The following SARM1 variants were observed in gnomAD, a reference collection of about 807,000 sequenced individuals.
SARM1 encodes sterile alpha and TIR motif containing 1, also known as NAD(+) hydrolase SARM1.
Under a neutral mutation model 65.1 loss-of-function variants are expected in SARM1, and 60 were observed. That is an observed-to-expected ratio of 0.92 (90% CI 0.75 to 1.14). SARM1 has a LOEUF of 1.14. Among genes scored for constraint, SARM1 ranks in the 50% most tolerant of loss-of-function variants. The probability of loss-of-function intolerance (pLI) is 0.00; values close to 1 mark genes in which losing one functional copy is unlikely to be tolerated. For missense variants in SARM1, 913 were observed against 1,015.7 expected, an observed-to-expected ratio of 0.90 and a Z score of 1.37; for synonymous variants, 417 against 465.4, an observed-to-expected ratio of 0.90 and a Z score of 1.34.
chr17:28,376,969 T>A (rs1425183314), intron 1 of SARM1, among the ~76,000 whole-genome samples: 2 of 152,030 alleles, frequency 1.3e-5, no homozygotes, highest in East Asian at 1.9e-4. Flanking sequence ...TTTGCATTTT[T>A]AATAGAGATG....
Position 28,385,672 on chromosome 17 carries a change from A to G in SARM1, c.1630+397A>G, listed in dbSNP as rs1367447841. ...GCAACAGGAAGGGCAGCCCAGGCAG[A>G]GGCAGCGGCCTATGGAGAGTCCATG... On this transcript the variant is annotated intron_variant, in intron 5 of 8. Coordinates refer to ENST00000585482, the MANE Select transcript of SARM1 (RefSeq NM_015077.4). The surrounding 1 kb of genome is among the most constrained non-coding windows in gnomAD (Gnocchi z 4.5). Among the ~76,000 whole-genome samples, 3 of 152,042 alleles carry G rather than the reference A, an allele frequency of 2.0e-5. No individual in the cohort carries two copies. Among genetic ancestry groups the G allele is most frequent in the Non-Finnish European group, 4.4e-5 (3 of 68,000 alleles).
chr17:28,376,728 C>T (rs531873786), intron 1 of SARM1, among the ~76,000 whole-genome samples: 1 of 152,166 alleles, frequency 6.6e-6, no homozygotes, highest in South Asian at 2.1e-4. Context: ...CCTTGGCCTC[C>T]CAAAGTACTG....
chr17:28,400,975 A>C lies in SARM1; in HGVS notation c.*4689A>C. On this transcript the variant is annotated 3_prime_UTR_variant, in exon 9 of 9. Transcript: ENST00000585482. ...CTGGCACAGAGGGGCTACTAAACAA[A>C]TGGCTGCTATTAAATCCACATTAAA... is the stretch of plus-strand genomic sequence containing the variant. 6 of 577,120 alleles carry C rather than the reference A, an allele frequency of 1.0e-5. No individual in the cohort carries two copies. The highest frequency in any genetic ancestry group is 3.0e-5 in the East Asian group (1 of 33,078). 35.7% of individuals were successfully genotyped at this position (577,120 alleles called of 1,614,324 possible). A position where few individuals can be genotyped will look rare whatever the true frequency, so the allele number is the denominator to read the frequency against.
In SARM1 at chr17:28,385,687, G is replaced by A. The variant is rs1424976499; in HGVS notation, c.1630+412G>A. Among the ~76,000 whole-genome samples, 2 of 152,136 alleles carry A rather than the reference G, an allele frequency of 1.3e-5. No individual in the cohort carries two copies. Among genetic ancestry groups the A allele is most frequent in the African/African-American group, 4.8e-5 (2 of 41,428 alleles). On this transcript the variant is annotated intron_variant, in intron 5 of 8. Transcript: ENST00000585482. The surrounding 1 kb of genome is among the most constrained non-coding windows in gnomAD (Gnocchi z 4.5). ...GCCCAGGCAGAGGCAGCGGCCTATG[G>A]AGAGTCCATGCAGTGGGGTGTAGGC...
chr17:28,375,753 T>G (rs543624684), intron 1 of SARM1, among the ~76,000 whole-genome samples: 1 of 152,238 alleles, frequency 6.6e-6, no homozygotes, highest in Non-Finnish European at 1.5e-5. Flanking sequence ...GAAGGATTAC[T>G]TGAGCCCAGG....
rs1339642262 is a variant in SARM1 at position 28,384,703 on chromosome 17, C to A, written c.1302+134C>A. ...GGGCGGGGAGCCTGTACGCAGCCACCGTTAGGGTCACTCGGCTCTGATCTA... is the reference window on the plus strand; with the variant it reads ...GGGCGGGGAGCCTGTACGCAGCCACAGTTAGGGTCACTCGGCTCTGATCTA... On this transcript the variant is annotated intron_variant, in intron 3 of 8. Coordinates refer to ENST00000585482, the MANE Select transcript of SARM1 (RefSeq NM_015077.4). This position sits in a 1 kb window ranked among gnomAD's most constrained non-coding sequence, Gnocchi z 4.4. 8.3e-7 allele frequency: 1 copy of A among 1,205,120 alleles called. No individual in the cohort carries two copies. The highest frequency in any genetic ancestry group is 1.2e-6 in the Non-Finnish European group (1 of 849,632). 74.7% of individuals were successfully genotyped at this position (1,205,120 alleles called of 1,614,324 possible).
At position 28,401,503 on chromosome 17, in the gene SARM1, G is replaced by A. The variant is rs1303313202; in HGVS notation, c.*5217G>A. 1 of 152,396 alleles carries A rather than the reference G, an allele frequency of 6.6e-6. No individual in the cohort carries two copies. The highest frequency in any genetic ancestry group is 1.5e-5 in the Non-Finnish European group (1 of 68,194). 9.4% of individuals were successfully genotyped at this position (152,396 alleles called of 1,614,324 possible). A position where few individuals can be genotyped will look rare whatever the true frequency, so the allele number is the denominator to read the frequency against. On this transcript the variant is annotated 3_prime_UTR_variant, in exon 9 of 9. Transcript: ENST00000585482. ...CCTCATTCCAGGACAGATGGAAAAAGATGAATGTTTCCAGACTGGGGCATA... is the reference window on the plus strand; with the variant it reads ...CCTCATTCCAGGACAGATGGAAAAAAATGAATGTTTCCAGACTGGGGCATA...
chr17:28,388,613 T>C, intron 7 of SARM1, 74 bp downstream of exon 7: 1 of 1,468,552 alleles, frequency 6.8e-7, no homozygotes, highest in Non-Finnish European at 9.3e-7. Flanking sequence ...CTTCTATTCC[T>C]TCTTGTCTGC....
At position 28,384,593 on chromosome 17, in the gene SARM1, C is replaced by G. The variant is rs1433365113; in HGVS notation, c.1302+24C>G. On this transcript the variant is annotated intron_variant, in intron 3 of 8. Coordinates refer to ENST00000585482, the MANE Select transcript of SARM1 (RefSeq NM_015077.4). The surrounding 1 kb of genome is among the most constrained non-coding windows in gnomAD (Gnocchi z 4.4). Reference sequence around the variant, plus strand: ...GGGTAGAGTCGCGTGGGATACGCCTCCCCCGAGTCAGAGCGGGCGCCCTGT... The same window carrying G: ...GGGTAGAGTCGCGTGGGATACGCCTGCCCCGAGTCAGAGCGGGCGCCCTGT... 5 of 1,558,930 alleles carry G rather than the reference C, an allele frequency of 3.2e-6. No homozygotes were observed. In the South Asian group the frequency reaches 5.9e-5, roughly 18 times the overall value.
Position 28,388,293 on chromosome 17 carries a change from G to A in SARM1, c.1733+17G>A, listed in dbSNP as rs144683600. The A allele has an allele frequency of 5.1e-5, 80 of 1,572,430 alleles. No individual in the cohort carries two copies. The Middle Eastern group carries it at 1.3e-3, about 26-fold the overall frequency. ...GCTGGCCAGGTGAGGAGGGGCGGGC[G>A]GGCAGCGACGGGGCGTGGGGACAAG... On this transcript the variant is annotated intron_variant, in intron 6 of 8. Coordinates refer to ENST00000585482, the MANE Select transcript of SARM1 (RefSeq NM_015077.4).
chr17:28,396,017 A>T lies in SARM1; in HGVS notation c.2036A>T (p.Asn679Ile). The T allele has an allele frequency of 6.2e-7, 1 of 1,613,726 alleles. No homozygotes were observed. The highest frequency in any genetic ancestry group is 8.5e-7 in the Non-Finnish European group (1 of 1,179,796). Reference sequence around the variant, plus strand: ...GACATGCAGGCTGTGCTTACTTTCAACGGTATCAAGTGAGCCCCAGGGCCC... The same window carrying T: ...GACATGCAGGCTGTGCTTACTTTCATCGGTATCAAGTGAGCCCCAGGGCCC... ...PEDMQAVLTF[N>I]GIKWSHEYQE... Residue 679 changes from asparagine (N) to isoleucine (I), a missense_variant, in exon 8 of 9, where the codon AAC becomes ATC. Physicochemically the swap from Asn to Ile is moderately radical, Grantham distance 149. This residue lies in a region of SARM1 where 862 missense variants were observed against 952.1 expected (regional missense o/e 0.91). Transcript: ENST00000585482.
chr17:28,394,570 G>T (rs1161797143), intron 7 of SARM1, among the ~76,000 whole-genome samples: 1 of 152,134 alleles, frequency 6.6e-6, no homozygotes, highest in East Asian at 1.9e-4. Context: ...GTTTGATTTG[G>T]CTACAAATTC....
chr17:28,402,251 T>G lies in SARM1; in HGVS notation c.*5965T>G. On this transcript the variant is annotated 3_prime_UTR_variant, in exon 9 of 9. Coordinates refer to ENST00000585482, the MANE Select transcript of SARM1 (RefSeq NM_015077.4). ...TCTGACACTCACCCTGCTCTGTCTC[T>G]CTCACCAGCTTGGAGAGTTTAGCCC... is the stretch of plus-strand genomic sequence containing the variant. The G allele has an allele frequency of 1.9e-6, 3 of 1,613,250 alleles. No individual in the cohort carries two copies. Among genetic ancestry groups the G allele is most frequent in the Non-Finnish European group, 2.5e-6 (3 of 1,179,582 alleles).
rs1261303580 is a variant in SARM1, at chr17:28,402,235, C to T, written c.*5949C>T. 4 of 1,611,840 alleles carry T rather than the reference C, an allele frequency of 2.5e-6. No individual in the cohort carries two copies. In the East Asian group the frequency reaches 6.7e-5, roughly 27 times the overall value. On this transcript the variant is annotated 3_prime_UTR_variant, in exon 9 of 9. Coordinates refer to ENST00000585482, the MANE Select transcript of SARM1 (RefSeq NM_015077.4). ...CCAGACACAGGTGGGTTCTGACACT[C>T]ACCCTGCTCTGTCTCTCTCACCAGC...
At chr17:28,389,942 G>A (rs1390461585) in intron 7 of SARM1, among the ~76,000 whole-genome samples, 1 of 152,142 alleles carries the variant, frequency 6.6e-6, no homozygotes, top group Non-Finnish European at 1.5e-5. Flanking sequence ...CTTGCCACAG[G>A]GGTTTGGAGA....
At chr17:28,396,062 T>C in intron 8 of SARM1, 36 bp downstream of exon 8, 1 of 1,613,266 alleles carries the variant, frequency 6.2e-7, no homozygotes, top group African/African-American at 1.3e-5. Flanking sequence ...GGGGGTAGGG[T>C]ACAAATCACC....
chr17:28,384,348 C>T lies in SARM1; in HGVS notation c.1090-9C>T, dbSNP rs565633366. On this transcript the variant is annotated splice_polypyrimidine_tract_variant and intron_variant, in intron 2 of 8. Coordinates refer to ENST00000585482, the MANE Select transcript of SARM1 (RefSeq NM_015077.4). The surrounding 1 kb of genome is among the most constrained non-coding windows in gnomAD (Gnocchi z 4.4). ...GGGACCTACAGCCCTCTCCCCACTC[C>T]CTCCCTAGGTGTTCAGCGACATCGG... 10 of 1,562,618 alleles carry T rather than the reference C, an allele frequency of 6.4e-6. No individual in the cohort carries two copies. The South Asian group carries it at 1.2e-4, about 19-fold the overall frequency.
At chr17:28,375,719 T>C (rs1037916354) in intron 1 of SARM1, among the ~76,000 whole-genome samples, 2 of 151,902 alleles carry the variant, frequency 1.3e-5, no homozygotes, top group Non-Finnish European at 2.9e-5. Flanking sequence ...GCCTGTAATC[T>C]CAGAACTTTA....
rs148538207 is a variant in SARM1, at chr17:28,374,492, G to A, written c.470+1990G>A. Among the ~76,000 whole-genome samples, 214 of 151,888 alleles carry A rather than the reference G, an allele frequency of 1.4e-3. 1 individual carries two copies. The highest frequency in any genetic ancestry group is 4.9e-3 in the African/African-American group (203 of 41,404). On this transcript the variant is annotated intron_variant, in intron 1 of 8. Transcript: ENST00000585482. ...GCAGAGGCTGCAGTGAGCTGAGAGC[G>A]CGCCACTGCACTCCAGCCTTGGCAA...
Sources: gnomAD v4.1 joint callset for allele counts (sites outside exome capture counted in the v4.1 genomes callset) on GRCh38, gnomAD v4.1.1 for gene constraint, gnomAD v4.1.1 regional missense constraint, Gnocchi (gnomAD v3.1) non-coding constraint, MANE v1.5 for transcripts, NCBI Gene and HGNC (gene_info 2026-07-23, HGNC 2026-07-21) for gene names.